Variants in CCDC144A observed in about 807,000 individuals in gnomAD.
The protein encoded by CCDC144A is coiled-coil domain-containing protein 144A.
Under a neutral mutation model 143.8 loss-of-function variants are expected in CCDC144A, and 41 were observed. That is an observed-to-expected ratio of 0.29 (90% CI 0.22 to 0.37). The LOEUF (loss-of-function observed/expected upper bound fraction) is 0.37. Among genes scored for constraint, CCDC144A ranks in the 10% least tolerant of loss-of-function variants. The pLI, the probability that CCDC144A is intolerant of heterozygous loss-of-function variation, is 1.00. For missense variants in CCDC144A, 637 were observed against 1,488.8 expected, an observed-to-expected ratio of 0.43 and a Z score of 9.41; for synonymous variants, 242 against 517.9, an observed-to-expected ratio of 0.47 and a Z score of 7.23.
chr17:16,716,590 TATA>T (rs1311002683), intron 6 of CCDC144A, among the ~76,000 whole-genome samples: 1 of 152,216 alleles, frequency 6.6e-6, no homozygotes, highest in Non-Finnish European at 1.5e-5. Context: ...TTGAACAATA[TATA>T]ATGACTATAA....
chr17:16,724,308 C>T (rs1409443071), intron 8 of CCDC144A, among the ~76,000 whole-genome samples: 1 of 151,870 alleles, frequency 6.6e-6, no homozygotes, highest in East Asian at 1.9e-4. Context: ...GAGGCTGAGG[C>T]GGATGGATCA....
At position 16,734,677 on chromosome 17, in the gene CCDC144A, C is replaced by A; in HGVS notation, c.2419-13C>A. 1.3e-6 allele frequency: 2 copies of A among 1,510,290 alleles called. No individual in the cohort carries two copies. The allele number at this position is 1,510,290 out of a possible 1,614,324, so 93.6% of individuals were successfully genotyped here. A position where few individuals can be genotyped will look rare whatever the true frequency, so the allele number is the denominator to read the frequency against. On this transcript the variant is annotated splice_polypyrimidine_tract_variant and intron_variant, in intron 11 of 16. Coordinates refer to ENST00000399273, the MANE Select transcript of CCDC144A (RefSeq NM_001382000.1). ...TTTATTGAGTGCTACTGAATGTTTC[C>A]TTTCTTACTTAGATTTCTCATAGGC... is the stretch of plus-strand genomic sequence containing the variant.
At chr17:16,755,330 C>T (rs1466967366) in intron 12 of CCDC144A, among the ~76,000 whole-genome samples, 1 of 152,230 alleles carries the variant, frequency 6.6e-6, no homozygotes, top group Admixed American at 6.5e-5. Context: ...TTATTGTTTA[C>T]CTCTACAATT....
chr17:16,728,439 T>A (rs1051721910), intron 9 of CCDC144A, among the ~76,000 whole-genome samples: 20 of 152,174 alleles, frequency 1.3e-4, no homozygotes, highest in African/African-American at 4.8e-4. Flanking sequence ...AGGAACTTTT[T>A]AAAAAGACCT....
At chr17:16,699,269 C>G (rs2143065573) in intron 2 of CCDC144A, among the ~76,000 whole-genome samples, 1 of 149,282 alleles carries the variant, frequency 6.7e-6, no homozygotes, top group Middle Eastern at 3.4e-3. Context: ...TGGATTACCA[C>G]ACTTTTAACC....
chr17:16,775,651 G>A lies in CCDC144A; in HGVS notation c.*2018G>A, dbSNP rs1366712045. On this transcript the variant is annotated 3_prime_UTR_variant, in exon 17 of 17. Transcript: ENST00000399273. ...GCAAAAATTTTCTCCCATTCTGTAG[G>A]TTGTCGGTTTACTCTGTTGATAGGT... 1.3e-5 allele frequency: 2 copies of A among 152,146 alleles called. No homozygotes were observed. Among genetic ancestry groups the A allele is most frequent in the Non-Finnish European group, 2.9e-5 (2 of 68,034 alleles). The allele number at this position is 152,146 out of a possible 1,614,324, so 9.4% of individuals were successfully genotyped here. A position where few individuals can be genotyped will look rare whatever the true frequency, so the allele number is the denominator to read the frequency against.
upstream of CCDC144A, among the ~76,000 whole-genome samples, chr17:16,687,101 C>T (rs1910811003): frequency 6.6e-6 from 1 of 152,164 alleles, no homozygotes; most frequent in Non-Finnish European, 1.5e-5. Flanking sequence ...GTGCCATTCC[C>T]GGTTTCTGTC....
chr17:16,723,366 T>A (rs1913204426), intron 8 of CCDC144A, among the ~76,000 whole-genome samples: 2 of 152,008 alleles, frequency 1.3e-5, no homozygotes, highest in Admixed American at 1.3e-4. Context: ...AAATTAGTAA[T>A]TTGCATCTTC....
chr17:16,764,297 TAA>T, intron 15 of CCDC144A, 122 bp downstream of exon 15: 2 of 1,497,324 alleles, frequency 1.3e-6, no homozygotes, highest in South Asian at 2.7e-5. Flanking sequence ...CCTGTGTTAA[TAA>T]AGAGAGGAGA....
intron 2 of CCDC144A, among the ~76,000 whole-genome samples, chr17:16,698,620 C>CT (rs1170778454): frequency 2.6e-5 from 4 of 152,104 alleles, no homozygotes; most frequent in African/African-American, 9.7e-5. Flanking sequence ...TTCTTACCTG[C>CT]TTTTTTGTGG....
intron 9 of CCDC144A, among the ~76,000 whole-genome samples, chr17:16,728,953 C>CAT (rs1044929867): frequency 4.6e-5 from 7 of 152,138 alleles, no homozygotes; most frequent in African/African-American, 1.4e-4. Context: ...TACTCCATGA[C>CAT]ATATATATAC....
intron 9 of CCDC144A, among the ~76,000 whole-genome samples, chr17:16,729,111 G>A (rs183681984): frequency 5.4e-4 from 82 of 152,308 alleles, no homozygotes; most frequent in Admixed American, 2.6e-3. Flanking sequence ...ATGCCCAGTA[G>A]GGGATTGTTG....
intron 8 of CCDC144A, among the ~76,000 whole-genome samples, chr17:16,722,722 T>G (rs1913164267): frequency 6.6e-6 from 1 of 152,212 alleles, no homozygotes; most frequent in African/African-American, 2.4e-5. Context: ...TGACTTTTTT[T>G]ACTGTGTCTA....
At chr17:16,745,655 A>G (rs1597578120) in intron 12 of CCDC144A, 1 of 1,599,664 alleles carries the variant, frequency 6.3e-7, no homozygotes, top group East Asian at 2.3e-5. Flanking sequence ...CCCTCTTCTC[A>G]GGACCAGTCC....
the CCDC144A span, among the ~76,000 whole-genome samples, chr17:16,680,576 A>T: frequency 6.7e-6 from 1 of 148,466 alleles, no homozygotes; most frequent in Non-Finnish European, 1.5e-5. Context: ...AGAAAGAAAG[A>T]GAGAAAGAGA....
chr17:16,669,390 A>G, the CCDC144A span, among the ~76,000 whole-genome samples: 1 of 152,342 alleles, frequency 6.6e-6, no homozygotes, highest in Middle Eastern at 3.4e-3. Context: ...TCCACCCGGA[A>G]CACACATTTT....
At chr17:16,696,662 AAAAG>A (rs1911432852) in intron 2 of CCDC144A, among the ~76,000 whole-genome samples, 1 of 151,904 alleles carries the variant, frequency 6.6e-6, no homozygotes. Flanking sequence ...AAGAAAAGAA[AAAAG>A]AAAGAAATGA....
At chr17:16,720,805 A>G in intron 8 of CCDC144A, 147 bp downstream of exon 8, 12 of 1,390,060 alleles carry the variant, frequency 8.6e-6, no homozygotes, top group Non-Finnish European at 1.1e-5. Flanking sequence ...CTCTACGCCA[A>G]AGAGCTATGA....
the CCDC144A span, among the ~76,000 whole-genome samples, chr17:16,671,929 G>A: frequency 3.3e-5 from 5 of 152,080 alleles, no homozygotes; most frequent in South Asian, 1.0e-3. Context: ...TAAATATTAT[G>A]TTAAAGGATC....
Sources: allele counts gnomAD v4.1 joint callset (sites outside exome capture counted in the v4.1 genomes callset), GRCh38; gene constraint gnomAD v4.1.1; transcripts MANE v1.5; gene names NCBI Gene and HGNC (gene_info 2026-07-23, HGNC 2026-07-21).